The following VAV3 variants were observed in gnomAD, a reference collection of about 807,000 sequenced individuals.
VAV3 encodes guanine nucleotide exchange factor VAV3.
In VAV3, 94 loss-of-function variants were observed where a neutral mutation model predicts 131.2. The observed-to-expected ratio is 0.72, with a 90% confidence interval of 0.61 to 0.85. The LOEUF (loss-of-function observed/expected upper bound fraction) is 0.85. VAV3 is among the 40% of genes least tolerant of loss of function. VAV3 has a pLI of 0.00. For synonymous variants in VAV3, 349 were observed against 342.0 expected (o/e 1.02, Z -0.22); for missense variants, 939 against 1,002.7 (o/e 0.94, Z 0.86).
chr1:107,882,766 A>G (rs1670843954), intron 1 of VAV3, among the ~76,000 whole-genome samples: 1 of 152,190 alleles, frequency 6.6e-6, no homozygotes, highest in Non-Finnish European at 1.5e-5. Context: ...TCCCAACAGA[A>G]GGGGCATCAT....
At chr1:107,811,797 G>A (rs548392167) in intron 2 of VAV3, among the ~76,000 whole-genome samples, 1 of 152,284 alleles carries the variant, frequency 6.6e-6, no homozygotes, top group Non-Finnish European at 1.5e-5. Context: ...TGAACACTAA[G>A]AGGTGATAAA....
At position 107,964,871 on chromosome 1, in the gene VAV3, C is replaced by A. The variant is rs369653302; in HGVS notation, c.-2G>T. Reference sequence around the variant, plus strand: ...CGCGCACTGCTTCCACGGCTCCATGCCCGACGGCTCCGGGACGCGGCTGGG... The same window carrying A: ...CGCGCACTGCTTCCACGGCTCCATGACCGACGGCTCCGGGACGCGGCTGGG... On this transcript the variant is annotated 5_prime_UTR_variant, in exon 1 of 27. Coordinates refer to ENST00000370056, the MANE Select transcript of VAV3 (RefSeq NM_006113.5). The A allele has an allele frequency of 2.6e-4, 398 of 1,557,258 alleles. No individual in the cohort carries two copies. Among genetic ancestry groups the A allele is most frequent in the Non-Finnish European group, 3.1e-4 (361 of 1,148,924 alleles).
chr1:107,879,015 A>G (rs765901238), intron 1 of VAV3, among the ~76,000 whole-genome samples: 1 of 152,124 alleles, frequency 6.6e-6, no homozygotes, highest in Non-Finnish European at 1.5e-5. Flanking sequence ...TTTTTGTAAT[A>G]ATCAATTGCC....
At chr1:107,807,471 T>G (rs907811455) in intron 2 of VAV3, among the ~76,000 whole-genome samples, 15 of 152,258 alleles carry the variant, frequency 9.9e-5, no homozygotes, top group African/African-American at 2.9e-4. Context: ...CAGCACTGAT[T>G]TGATTCCACA....
chr1:107,897,814 GGATAGTACACATTA>G (rs1484796518), intron 1 of VAV3, among the ~76,000 whole-genome samples: 1 of 152,000 alleles, frequency 6.6e-6, no homozygotes, highest in Non-Finnish European at 1.5e-5. Context: ...GAAATGAAAG[GGATAGTACACATTA>G]AGACATATTT....
chr1:107,707,031 T>G (rs1267550651), intron 15 of VAV3, among the ~76,000 whole-genome samples: 1 of 151,918 alleles, frequency 6.6e-6, no homozygotes, highest in African/African-American at 2.4e-5. Context: ...AATAAACAAC[T>G]GAAAGGGGGA....
intron 1 of VAV3, among the ~76,000 whole-genome samples, chr1:107,954,994 A>G (rs900230737): frequency 6.6e-6 from 1 of 152,232 alleles, no homozygotes; most frequent in Non-Finnish European, 1.5e-5. Flanking sequence ...TAGATGAGAT[A>G]ATGCATGGAA....
intron 15 of VAV3, among the ~76,000 whole-genome samples, chr1:107,737,994 G>A (rs1386799221): frequency 1.3e-5 from 2 of 152,154 alleles, no homozygotes. Flanking sequence ...AGAGAATGTG[G>A]CACATATTCA....
chr1:107,707,802 G>A (rs559802405), intron 15 of VAV3, among the ~76,000 whole-genome samples: 10 of 152,164 alleles, frequency 6.6e-5, no homozygotes, highest in Admixed American at 1.3e-4. Context: ...TGGGGGTGCC[G>A]AAACCAAAGA....
chr1:107,761,921 C>T (rs1211976817), intron 9 of VAV3, among the ~76,000 whole-genome samples: 2 of 152,010 alleles, frequency 1.3e-5, no homozygotes, highest in Non-Finnish European at 2.9e-5. Flanking sequence ...TAATTTCACC[C>T]TCTTCTTTCC....
chr1:107,789,240 G>A (rs139842367), intron 2 of VAV3, among the ~76,000 whole-genome samples: 10 of 152,166 alleles, frequency 6.6e-5, no homozygotes, highest in East Asian at 3.8e-4. Context: ...AACTCAGCTC[G>A]CTGTCAAAGT....
At chr1:107,883,300 A>C (rs962041537) in intron 1 of VAV3, among the ~76,000 whole-genome samples, 5 of 152,214 alleles carry the variant, frequency 3.3e-5, no homozygotes, top group East Asian at 1.9e-4. Flanking sequence ...GTGCTTAACT[A>C]TAATATATCT....
chr1:107,777,445 C>T lies in VAV3; in HGVS notation c.381-149G>A, dbSNP rs1665426191. 3 of 727,454 alleles carry T rather than the reference C, an allele frequency of 4.1e-6. No individual in the cohort carries two copies. In the African/African-American group the frequency reaches 5.3e-5, roughly 13 times the overall value. 45.1% of individuals were successfully genotyped at this position (727,454 alleles called of 1,614,324 possible). On this transcript the variant is annotated intron_variant, in intron 3 of 26. Transcript: ENST00000370056. ...TCACCATGTCTAACAATATCTAGGGCTTTCCCTAAAGTGCCTGCTCAGTGG... is the reference window on the plus strand; with the variant it reads ...TCACCATGTCTAACAATATCTAGGGTTTTCCCTAAAGTGCCTGCTCAGTGG...
chr1:107,747,219 T>C lies in VAV3; in HGVS notation c.1502+1749A>G, dbSNP rs184357980. Among the ~76,000 whole-genome samples, 3 of 152,350 alleles carry C rather than the reference T, an allele frequency of 2.0e-5. No homozygotes were observed. In the East Asian group the frequency reaches 5.8e-4, roughly 29 times the overall value. On this transcript the variant is annotated intron_variant, in intron 15 of 26. Coordinates refer to ENST00000370056, the MANE Select transcript of VAV3 (RefSeq NM_006113.5). ...ATCCACAAATTAACTGTTTGTTTTA[T>C]GGCAACTGAACAAAATAGTAACTGA...
At chr1:107,926,837 A>G (rs548825314) in intron 1 of VAV3, among the ~76,000 whole-genome samples, 1 of 152,120 alleles carries the variant, frequency 6.6e-6, no homozygotes, top group East Asian at 1.9e-4. Context: ...AAAGTGCTCT[A>G]GGGCCCAACA....
Position 107,758,184 on chromosome 1 carries a change from TC to T in VAV3, c.1018-856del, listed in dbSNP as rs536205320. On this transcript the variant is annotated intron_variant, in intron 10 of 26. Transcript: ENST00000370056. ...CAGACTTCTCCCTGTTCTCTCTCCC[TC>T]ACTATGTCCTATTGATGTTAACTTT... 7.0e-4 allele frequency among the ~76,000 whole-genome samples: 106 copies of T among 152,292 alleles called. 1 individual carries two copies. The highest frequency in any genetic ancestry group is 2.5e-3 in the African/African-American group (102 of 41,570).
chr1:107,881,463 C>T (rs1469389325), intron 1 of VAV3, among the ~76,000 whole-genome samples: 1 of 152,122 alleles, frequency 6.6e-6, no homozygotes, highest in African/African-American at 2.4e-5. Context: ...GCCAGGGAGT[C>T]AGTTAATTCT....
chr1:107,945,728 G>A (rs774870966), intron 1 of VAV3, among the ~76,000 whole-genome samples: 14 of 151,452 alleles, frequency 9.2e-5, no homozygotes, highest in East Asian at 1.9e-4. Flanking sequence ...AGGCTGAGGC[G>A]GGAGAATCGC....
intron 24 of VAV3, among the ~76,000 whole-genome samples, chr1:107,602,021 T>A (rs2101101509): frequency 6.6e-6 from 1 of 152,250 alleles, no homozygotes; most frequent in East Asian, 1.9e-4. Context: ...ACCTAAATGT[T>A]AGACATATTT....
Sources: allele counts gnomAD v4.1 joint callset (sites outside exome capture counted in the v4.1 genomes callset), GRCh38; gene constraint gnomAD v4.1.1; transcripts MANE v1.5; gene names NCBI Gene and HGNC (gene_info 2026-07-23, HGNC 2026-07-21).